The following ARHGEF26 variants were observed in gnomAD, a reference collection of about 807,000 sequenced individuals.
The protein encoded by ARHGEF26 is Rho guanine nucleotide exchange factor 26.
Under a neutral mutation model 89.4 loss-of-function variants are expected in ARHGEF26, and 59 were observed. The ratio of observed to expected loss-of-function variants is 0.66; its 90% CI spans 0.54 to 0.82. The LOEUF is 0.82. Ranked by LOEUF, ARHGEF26 falls within the 40% of genes least tolerant of loss-of-function variation. The probability of loss-of-function intolerance (pLI) is 0.00; values close to 1 mark genes in which losing one functional copy is unlikely to be tolerated. For synonymous variants in ARHGEF26, 500 were observed against 428.4 expected (o/e 1.17, Z -2.06); for missense variants, 1,234 against 1,085.6 (o/e 1.14, Z -1.92).
intron 4 of ARHGEF26, among the ~76,000 whole-genome samples, chr3:154,146,145 A>G (rs751615896): frequency 6.6e-6 from 1 of 152,198 alleles, no homozygotes; most frequent in Non-Finnish European, 1.5e-5. Context: ...GTCCAAAATC[A>G]AGGCAGATTT....
intron 11 of ARHGEF26, among the ~76,000 whole-genome samples, chr3:154,239,416 G>A (rs1441013403): frequency 6.6e-6 from 1 of 151,418 alleles, no homozygotes; most frequent in African/African-American, 2.4e-5. Flanking sequence ...ACGATCCAGG[G>A]GTCTATAGAT....
chr3:154,240,451 T>G lies in ARHGEF26; in HGVS notation c.2172T>G (p.Ser724=), dbSNP rs748999904. The G allele has an allele frequency of 3.7e-6, 6 of 1,613,462 alleles. No individual in the cohort carries two copies. In the Admixed American group the frequency reaches 1.0e-4, roughly 27 times the overall value. The change falls in exon 12 of 15, where the codon TCT becomes TCG. Residue 724 remains serine, a synonymous_variant. Coordinates refer to ENST00000465093, the MANE Select transcript of ARHGEF26 (RefSeq NM_015595.4). The part of the protein sequence containing the change: ...VESCDNEELN[S]SPGKNSSTML... The stretch of plus-strand genomic sequence containing the variant: ...CTTGTGACAATGAAGAGCTTAATTC[T>G]TCTCCAGGGAAGAACAGCTCCACAA...
At chr3:154,222,037 G>A (rs1716164923) in intron 10 of ARHGEF26, among the ~76,000 whole-genome samples, 1 of 152,154 alleles carries the variant, frequency 6.6e-6, no homozygotes, top group Non-Finnish European at 1.5e-5. Flanking sequence ...ACCCTATAAT[G>A]TACCCTTATT....
chr3:154,192,944 A>G (rs938972629), intron 8 of ARHGEF26, among the ~76,000 whole-genome samples: 1 of 152,210 alleles, frequency 6.6e-6, no homozygotes, highest in Admixed American at 6.5e-5. Context: ...AAATTTGAGA[A>G]AATTACTTGT....
intron 11 of ARHGEF26, among the ~76,000 whole-genome samples, chr3:154,232,029 G>A (rs1441179830): frequency 6.6e-6 from 1 of 152,076 alleles, no homozygotes; most frequent in Non-Finnish European, 1.5e-5. Context: ...CTGAATTGGA[G>A]TGTGGGGTTG....
intron 8 of ARHGEF26, among the ~76,000 whole-genome samples, chr3:154,193,254 G>A (rs544890519): frequency 2.0e-5 from 3 of 152,232 alleles, no homozygotes; most frequent in East Asian, 3.9e-4. Context: ...GCATATGTAC[G>A]TTGCTCATAA....
At chr3:154,171,515 A>G (rs753497166) in intron 6 of ARHGEF26, among the ~76,000 whole-genome samples, 2 of 152,110 alleles carry the variant, frequency 1.3e-5, no homozygotes, top group Non-Finnish European at 2.9e-5. Context: ...TCTGTGTTCC[A>G]CCTGTTCATC....
intron 6 of ARHGEF26, among the ~76,000 whole-genome samples, chr3:154,168,145 C>T (rs1285321050): frequency 1.3e-5 from 2 of 152,140 alleles, no homozygotes; most frequent in Non-Finnish European, 2.9e-5. Context: ...ATATCCCATT[C>T]TGTAATTTAC....
At chr3:154,194,844 G>T in intron 9 of ARHGEF26, 126 bp downstream of exon 9, 1 of 761,072 alleles carries the variant, frequency 1.3e-6, no homozygotes, top group Non-Finnish European at 2.2e-6. Context: ...GCGTTCTTTA[G>T]GTAGTTGCAA....
intron 6 of ARHGEF26, among the ~76,000 whole-genome samples, chr3:154,171,512 T>A (rs1712437499): frequency 6.6e-6 from 1 of 152,200 alleles, no homozygotes; most frequent in Non-Finnish European, 1.5e-5. Context: ...TCCTCTGTGT[T>A]CCACCTGTTC....
intron 9 of ARHGEF26, among the ~76,000 whole-genome samples, chr3:154,210,667 C>T (rs1715306524): frequency 6.6e-6 from 1 of 151,686 alleles, no homozygotes. Context: ...TGGGGCCAGG[C>T]ACAATGGCTC....
chr3:154,153,417 ATTG>A (rs1436223454), intron 6 of ARHGEF26, among the ~76,000 whole-genome samples: 5 of 152,096 alleles, frequency 3.3e-5, no homozygotes, highest in Admixed American at 2.6e-4. Flanking sequence ...ATATTTAGCA[ATTG>A]TTAAAATTTT....
chr3:154,215,942 G>C (rs1433577560), intron 9 of ARHGEF26, among the ~76,000 whole-genome samples: 6 of 151,926 alleles, frequency 3.9e-5, no homozygotes, highest in Non-Finnish European at 8.8e-5. Flanking sequence ...AGACATACAA[G>C]CATAGAATGA....
At chr3:154,158,000 T>C (rs546874596) in intron 6 of ARHGEF26, among the ~76,000 whole-genome samples, 2 of 152,236 alleles carry the variant, frequency 1.3e-5, no homozygotes, top group African/African-American at 4.8e-5. Flanking sequence ...TGGTGGTATT[T>C]ACCCCCTAAG....
intron 7 of ARHGEF26, among the ~76,000 whole-genome samples, chr3:154,188,084 G>A (rs964917109): frequency 3.9e-5 from 6 of 152,058 alleles, no homozygotes; most frequent in East Asian, 1.9e-4. Flanking sequence ...TTAGTGTTTC[G>A]TTGTTTTTAA....
At chr3:154,175,687 C>T (rs1712775126) in intron 6 of ARHGEF26, among the ~76,000 whole-genome samples, 1 of 152,156 alleles carries the variant, frequency 6.6e-6, no homozygotes, top group Admixed American at 6.5e-5. Context: ...GACCACTTTC[C>T]AGGGAACAAT....
In ARHGEF26 at chr3:154,257,027, G is replaced by GACTC. The variant is rs1182796599; in HGVS notation, c.*1556_*1559dup. 9.6e-6 allele frequency: 14 copies of GACTC among 1,460,500 alleles called. No homozygotes were observed. The highest frequency in any genetic ancestry group is 1.3e-5 in the Non-Finnish European group (14 of 1,113,086). The allele number at this position is 1,460,500 out of a possible 1,614,324, so 90.5% of individuals were successfully genotyped here. Reference sequence around the variant, plus strand: ...CCTGGCAAAGTGTACATTATTGGAGGACTCAAATCTGTATGTGACATGTCC... The same window carrying GACTC: ...CCTGGCAAAGTGTACATTATTGGAGGACTCACTCAAATCTGTATGTGACATGTCC... On this transcript the variant is annotated 3_prime_UTR_variant, in exon 15 of 15. Coordinates refer to ENST00000465093, the MANE Select transcript of ARHGEF26 (RefSeq NM_015595.4).
intron 11 of ARHGEF26, among the ~76,000 whole-genome samples, chr3:154,238,233 T>C (rs1053389662): frequency 7.9e-5 from 12 of 152,354 alleles, no homozygotes; most frequent in African/African-American, 2.4e-4. Flanking sequence ...ATAAGTCTCA[T>C]TTTGGATGTG....
chr3:154,154,106 C>T (rs1442484698), intron 6 of ARHGEF26, among the ~76,000 whole-genome samples: 1 of 152,122 alleles, frequency 6.6e-6, no homozygotes, highest in Non-Finnish European at 1.5e-5. Flanking sequence ...GGGAAAGGTA[C>T]ATCCATCTAT....
Sources: allele counts gnomAD v4.1 joint callset (sites outside exome capture counted in the v4.1 genomes callset), GRCh38; gene constraint gnomAD v4.1.1; transcripts MANE v1.5; gene names NCBI Gene and HGNC (gene_info 2026-07-23, HGNC 2026-07-21).